SASS6: variants seen among roughly 807,000 people sequenced by gnomAD.
SASS6 encodes the protein SAS-6 centriolar assembly protein.
SASS6 carries 59 observed loss-of-function variants against 94.9 expected under a neutral mutation model. The ratio of observed to expected loss-of-function variants is 0.62; its 90% CI spans 0.50 to 0.77. The LOEUF (loss-of-function observed/expected upper bound fraction) is 0.77, where lower values mean the gene tolerates loss of function less well. Among genes scored for constraint, SASS6 ranks in the 30% least tolerant of loss-of-function variants. The probability of loss-of-function intolerance (pLI) is 0.00; values close to 1 mark genes in which losing one functional copy is unlikely to be tolerated. For missense variants in SASS6, 698 were observed against 734.1 expected (o/e 0.95, Z 0.57); for synonymous variants, 264 against 270.0 (o/e 0.98, Z 0.22).
chr1:100,114,950 A>C (rs938235681), intron 7 of SASS6, among the ~76,000 whole-genome samples: 1 of 152,210 alleles, frequency 6.6e-6, no homozygotes, highest in Admixed American at 6.5e-5. Flanking sequence ...CTTTGAATTA[A>C]AATTCTCAGG....
At chr1:100,102,119 T>C (rs900211437) in intron 14 of SASS6, among the ~76,000 whole-genome samples, 5 of 152,002 alleles carry the variant, frequency 3.3e-5, no homozygotes, top group Admixed American at 1.3e-4. Flanking sequence ...TACATAAATC[T>C]AAGATAATAA....
rs1651102608 is a variant in SASS6, at chr1:100,084,669, T to C, written c.*659A>G. On this transcript the variant is annotated 3_prime_UTR_variant, in exon 17 of 17. Transcript: ENST00000287482. ...GAAGCACTGAAGTTTTAAAAACTTG[T>C]CAGCTCAAATGACAAAAGCACTTAA... 2 of 152,118 alleles carry C rather than the reference T, an allele frequency of 1.3e-5. No individual in the cohort carries two copies. The highest frequency in any genetic ancestry group is 1.3e-4 in the Admixed American group (2 of 15,266). 9.4% of individuals were successfully genotyped at this position (152,118 alleles called of 1,614,324 possible).
Position 100,085,569 on chromosome 1 carries a change from G to A in SASS6, c.1834C>T (p.Arg612Cys), listed in dbSNP as rs770303226. 10 of 1,612,996 alleles carry A rather than the reference G, an allele frequency of 6.2e-6. No homozygotes were observed. The Admixed American group carries it at 8.3e-5, about 13-fold the overall frequency. Residue 612 changes from arginine (R) to cysteine (C), a missense_variant, in exon 16 of 17, where the codon CGC (arginine) becomes TGC (cysteine). Physicochemically the swap from Arg to Cys is radical, Grantham distance 180. Transcript: ENST00000287482. ...CTAAATAGGTTCTGGCTGAGTCCGC[G>A]TAAAGGAATGCTATCTTCCCTTTTC... ...LKKREDSIPL[R>C]GLSQNLFSNS...
chr1:100,122,250 C>A, intron 4 of SASS6, 130 bp downstream of exon 4: 1 of 468,292 alleles, frequency 2.1e-6, no homozygotes, highest in Admixed American at 4.0e-5. Context: ...TTAATGGAGG[C>A]CTAACCCCAG....
At chr1:100,104,493 T>C (rs1266591984) in intron 13 of SASS6, among the ~76,000 whole-genome samples, 1 of 152,040 alleles carries the variant, frequency 6.6e-6, no homozygotes, top group Non-Finnish European at 1.5e-5. Context: ...AGAGTCTCAC[T>C]CTGTTGCCCA....
chr1:100,131,904 C>A (rs78319539), intron 1 of SASS6, among the ~76,000 whole-genome samples: 1 of 152,120 alleles, frequency 6.6e-6, no homozygotes, highest in East Asian at 1.9e-4. Flanking sequence ...CACGTGAATA[C>A]GCATGTTATA....
chr1:100,102,899 T>C (rs556266708), intron 14 of SASS6, 56 bp downstream of exon 14: 1 of 1,342,286 alleles, frequency 7.4e-7, no homozygotes, highest in Admixed American at 2.0e-5. Flanking sequence ...GAAATGTTTG[T>C]ATGCTAATAG....
At chr1:100,097,160 GA>G (rs1309764144) in intron 14 of SASS6, among the ~76,000 whole-genome samples, 3 of 152,118 alleles carry the variant, frequency 2.0e-5, no homozygotes, top group Non-Finnish European at 4.4e-5. Context: ...GCATGTATTA[GA>G]ATGGCTATAC....
chr1:100,109,876 TTAAC>T (rs1653171731), intron 8 of SASS6, among the ~76,000 whole-genome samples: 1 of 151,980 alleles, frequency 6.6e-6, no homozygotes, highest in South Asian at 2.1e-4. Context: ...TCAGTAAGCA[TTAAC>T]TATTATCTTT....
intron 14 of SASS6, among the ~76,000 whole-genome samples, chr1:100,089,385 C>G (rs1333975470): frequency 2.0e-5 from 3 of 151,772 alleles, no homozygotes; most frequent in Non-Finnish European, 4.4e-5. Context: ...AACTACAAAC[C>G]CACCTATTTA....
intron 1 of SASS6, among the ~76,000 whole-genome samples, chr1:100,130,271 G>T (rs1004805720): frequency 1.3e-5 from 2 of 152,222 alleles, no homozygotes; most frequent in African/African-American, 4.8e-5. Flanking sequence ...GGCTTTTGTT[G>T]TTGTTGGGGA....
intron 14 of SASS6, 95 bp from the exon 15 acceptor site, chr1:100,088,331 C>G: frequency 1.6e-6 from 1 of 637,434 alleles, no homozygotes; most frequent in South Asian, 1.8e-5. Flanking sequence ...TGCTCTGTTG[C>G]TTAAGCTGGA....
intron 14 of SASS6, among the ~76,000 whole-genome samples, chr1:100,089,874 T>G (rs1651557487): frequency 6.6e-6 from 1 of 151,824 alleles, no homozygotes; most frequent in African/African-American, 2.4e-5. Context: ...TTGCTTAATG[T>G]CTTTTAAATA....
At position 100,105,757 on chromosome 1, in the gene SASS6, T is replaced by A; in HGVS notation, c.1545+10A>T. ...CACTAAGATCACTCACATCTTGTTT[T>A]AAATCTTACCACATTCAGGTTAGGA... On this transcript the variant is annotated intron_variant, in intron 13 of 16. Transcript: ENST00000287482. The A allele has an allele frequency of 6.2e-7, 1 of 1,608,818 alleles. No individual in the cohort carries two copies. The highest frequency in any genetic ancestry group is 8.5e-7 in the Non-Finnish European group (1 of 1,177,962).
chr1:100,107,722 T>C lies in SASS6; in HGVS notation c.1057-5A>G, dbSNP rs527396142. On this transcript the variant is annotated splice_region_variant and splice_polypyrimidine_tract_variant and intron_variant, in intron 9 of 16. Coordinates refer to ENST00000287482, the MANE Select transcript of SASS6 (RefSeq NM_194292.3). ...ACCATTTTCTTCTAAAACCACCTGA[T>C]ATATTTTTTAAAAACATGAATAATT... 26 of 1,582,600 alleles carry C rather than the reference T, an allele frequency of 1.6e-5. No homozygotes were observed. The Admixed American group carries it at 3.5e-4, about 21-fold the overall frequency.
chr1:100,124,962 G>A (rs1654491805), intron 2 of SASS6, among the ~76,000 whole-genome samples: 1 of 152,058 alleles, frequency 6.6e-6, no homozygotes, highest in South Asian at 2.1e-4. Context: ...TTCCCTGCCT[G>A]CCACTCACCT....
intron 14 of SASS6, among the ~76,000 whole-genome samples, chr1:100,089,958 C>CA (rs1216096577): frequency 2.0e-5 from 3 of 149,664 alleles, no homozygotes; most frequent in Non-Finnish European, 4.4e-5. Flanking sequence ...ACAACAGTAG[C>CA]AAAAAGAAGG....
intron 14 of SASS6, among the ~76,000 whole-genome samples, chr1:100,093,174 C>CTTGTTTTTT (rs1651864502): frequency 1.1e-5 from 1 of 87,422 alleles, no homozygotes; most frequent in Non-Finnish European, 2.1e-5. Context: ...CTATTGTTTT[C>CTTGTTTTTT]TTTTTTTTTT....
chr1:100,122,860 C>A (rs1654308673), intron 3 of SASS6, among the ~76,000 whole-genome samples: 1 of 152,002 alleles, frequency 6.6e-6, no homozygotes, highest in Admixed American at 6.6e-5. Flanking sequence ...CAATTACTAT[C>A]TTTAATTATA....
Sources: gnomAD v4.1 joint callset for allele counts (sites outside exome capture counted in the v4.1 genomes callset) on GRCh38, gnomAD v4.1.1 for gene constraint, MANE v1.5 for transcripts, NCBI Gene and HGNC (gene_info 2026-07-23, HGNC 2026-07-21) for gene names.